The following KHDRBS2 variants were observed in gnomAD, a reference collection of about 807,000 sequenced individuals.
KHDRBS2 encodes the protein KH domain-containing, RNA-binding, signal transduction-associated protein 2.
A neutral mutation model predicts 44.3 loss-of-function variants in KHDRBS2; 26 were observed. The observed-to-expected ratio is 0.59, with a 90% confidence interval of 0.43 to 0.81. The LOEUF is 0.81. Ranked by LOEUF, KHDRBS2 falls within the 40% of genes least tolerant of loss-of-function variation. The pLI is 0.00. For missense variants in KHDRBS2, 476 were observed against 433.1 expected (o/e 1.10, Z -0.88); for synonymous variants, 194 against 151.1 (o/e 1.28, Z -2.08).
At chr6:61,716,966 T>A (rs1293000491) in intron 7 of KHDRBS2, among the ~76,000 whole-genome samples, 1 of 152,062 alleles carries the variant, frequency 6.6e-6, no homozygotes, top group Admixed American at 6.6e-5. Context: ...TAAATTAACC[T>A]GGTGAGGAGA....
intron 6 of KHDRBS2, among the ~76,000 whole-genome samples, chr6:61,759,587 A>T (rs1192305723): frequency 6.6e-6 from 1 of 152,194 alleles, no homozygotes; most frequent in Non-Finnish European, 1.5e-5. Context: ...CCCCAAAGTT[A>T]ACCAGCTCTC....
the KHDRBS2 span, among the ~76,000 whole-genome samples, chr6:61,575,958 G>T: frequency 6.6e-6 from 1 of 152,074 alleles, no homozygotes; most frequent in Admixed American, 6.6e-5. Flanking sequence ...TAGAGGGAAG[G>T]GTAGGAGAGG....
intron 3 of KHDRBS2, among the ~76,000 whole-genome samples, chr6:62,000,610 C>T (rs1778058105): frequency 6.6e-6 from 1 of 152,042 alleles, no homozygotes; most frequent in South Asian, 2.1e-4. Flanking sequence ...TTACAGATGT[C>T]CAGTAAAAGG....
chr6:62,055,010 T>TA (rs796408256), intron 2 of KHDRBS2, among the ~76,000 whole-genome samples: 8 of 152,160 alleles, frequency 5.3e-5, no homozygotes, highest in African/African-American at 1.9e-4. Flanking sequence ...CTAGATGGTT[T>TA]ATAGACTTAG....
At chr6:61,991,141 A>C (rs1208503969) in intron 3 of KHDRBS2, among the ~76,000 whole-genome samples, 7 of 152,224 alleles carry the variant, frequency 4.6e-5, no homozygotes. Flanking sequence ...TCCAGGAAAT[A>C]CAACGTTTAG....
intron 4 of KHDRBS2, among the ~76,000 whole-genome samples, chr6:61,966,466 G>A (rs1769963232): frequency 3.3e-5 from 5 of 151,828 alleles, no homozygotes; most frequent in Admixed American, 3.3e-4. Flanking sequence ...GAATTCCCTG[G>A]ACCTCTGTTG....
At chr6:61,737,436 T>C (rs1007338729) in intron 6 of KHDRBS2, among the ~76,000 whole-genome samples, 26 of 152,274 alleles carry the variant, frequency 1.7e-4, no homozygotes, top group Middle Eastern at 6.8e-3. Flanking sequence ...TATATATGTA[T>C]GTATGTAAAC....
chr6:61,597,457 T>C, the KHDRBS2 span, among the ~76,000 whole-genome samples: 1 of 151,966 alleles, frequency 6.6e-6, no homozygotes, highest in Non-Finnish European at 1.5e-5. Context: ...CTTGATTGTG[T>C]TCCTCAAGAG....
chr6:61,604,545 T>C, the KHDRBS2 span, among the ~76,000 whole-genome samples: 1 of 152,224 alleles, frequency 6.6e-6, no homozygotes, highest in Non-Finnish European at 1.5e-5. Context: ...CTCTTCCATG[T>C]AGGTTACAAG....
the KHDRBS2 span, among the ~76,000 whole-genome samples, chr6:61,581,675 A>C: frequency 4.0e-5 from 6 of 149,638 alleles, no homozygotes; most frequent in Non-Finnish European, 8.9e-5. Flanking sequence ...ATAGTATTAT[A>C]AGGAAAAATA....
chr6:61,766,409 C>CA, intron 6 of KHDRBS2, among the ~76,000 whole-genome samples: 1 of 151,524 alleles, frequency 6.6e-6, no homozygotes, highest in South Asian at 2.1e-4. Context: ...TTATCTTTTC[C>CA]AAAAAACCAC....
the KHDRBS2 span, among the ~76,000 whole-genome samples, chr6:61,546,694 G>C: frequency 5.4e-3 from 815 of 152,218 alleles, 6 homozygotes; most frequent in South Asian, 0.011. Flanking sequence ...CACAGCGGTG[G>C]TGGGGTAAAT....
At chr6:61,630,887 G>A in the KHDRBS2 span, among the ~76,000 whole-genome samples, 2 of 152,108 alleles carry the variant, frequency 1.3e-5, 1 homozygote, top group South Asian at 4.1e-4. Context: ...TTCTGCATAC[G>A]CTATTTGTCT....
At chr6:62,020,733 T>A (rs1383495584) in intron 3 of KHDRBS2, among the ~76,000 whole-genome samples, 1 of 152,032 alleles carries the variant, frequency 6.6e-6, no homozygotes, top group South Asian at 2.1e-4. Flanking sequence ...ATCTAAGTTA[T>A]CTGATATAAA....
chr6:61,853,385 G>A (rs1376891964), intron 6 of KHDRBS2, among the ~76,000 whole-genome samples: 1 of 151,978 alleles, frequency 6.6e-6, no homozygotes, highest in Non-Finnish European at 1.5e-5. Context: ...GTATCATACT[G>A]TAGAAAAATG....
At chr6:62,216,873 G>C (rs1360581500) in intron 1 of KHDRBS2, among the ~76,000 whole-genome samples, 1 of 151,004 alleles carries the variant, frequency 6.6e-6, no homozygotes, top group East Asian at 1.9e-4. Context: ...TCATTTTTAG[G>C]CTTCTGGGAA....
At chr6:62,247,709 A>G (rs1278336103) in intron 1 of KHDRBS2, among the ~76,000 whole-genome samples, 1 of 152,076 alleles carries the variant, frequency 6.6e-6, no homozygotes, top group Non-Finnish European at 1.5e-5. Flanking sequence ...AATCATCGCT[A>G]TGAAGAGATA....
At chr6:62,165,611 T>C (rs1295623809) in intron 2 of KHDRBS2, among the ~76,000 whole-genome samples, 1 of 151,958 alleles carries the variant, frequency 6.6e-6, no homozygotes, top group Non-Finnish European at 1.5e-5. Flanking sequence ...TGTGTGCTAC[T>C]AAAATACATT....
chr6:62,193,190 A>G (rs537430608), intron 1 of KHDRBS2, among the ~76,000 whole-genome samples: 1 of 152,194 alleles, frequency 6.6e-6, no homozygotes, highest in African/African-American at 2.4e-5. Context: ...ACACATTTAT[A>G]TTTATATATG....
Sources: allele counts gnomAD v4.1 joint callset (sites outside exome capture counted in the v4.1 genomes callset), GRCh38; gene constraint gnomAD v4.1.1; transcripts MANE v1.5; gene names NCBI Gene and HGNC (gene_info 2026-07-23, HGNC 2026-07-21).